Variants in LRBA observed in about 807,000 individuals in gnomAD.
The protein encoded by LRBA is LPS responsive beige-like anchor protein.
In LRBA, 176 loss-of-function variants were observed where a neutral mutation model predicts 330.0. The observed-to-expected ratio is 0.53, with a 90% CI of 0.47 to 0.60. LRBA has a LOEUF of 0.60. Ranked by LOEUF, LRBA falls within the 20% of genes least tolerant of loss-of-function variation. LRBA has a pLI of 0.00. For synonymous variants in LRBA, 1,230 were observed against 1,193.0 expected (o/e 1.03, Z -0.64); for missense variants, 3,259 against 3,444.8 (o/e 0.95, Z 1.35).
chr4:150,301,933 TTTAA>T (rs1193399483), intron 53 of LRBA, among the ~76,000 whole-genome samples: 1 of 152,228 alleles, frequency 6.6e-6, no homozygotes, highest in Non-Finnish European at 1.5e-5. Context: ...AGGTGGTCCC[TTTAA>T]TTGTTTTTTC....
At chr4:150,944,131 A>C (rs868330666) in intron 2 of LRBA, among the ~76,000 whole-genome samples, 1 of 152,218 alleles carries the variant, frequency 6.6e-6, no homozygotes, top group Non-Finnish European at 1.5e-5. Flanking sequence ...AGTCAAAACT[A>C]TCTAGCCAAC....
intron 40 of LRBA, among the ~76,000 whole-genome samples, chr4:150,574,742 A>C (rs890878394): frequency 6.6e-6 from 1 of 152,068 alleles, no homozygotes; most frequent in Non-Finnish European, 1.5e-5. Context: ...TTATTCGTAG[A>C]GCATTTAACC....
intron 34 of LRBA, among the ~76,000 whole-genome samples, chr4:150,785,248 C>T (rs1446936341): frequency 6.6e-6 from 1 of 152,032 alleles, no homozygotes; most frequent in Non-Finnish European, 1.5e-5. Context: ...AACTGGTTGG[C>T]AAGTTCAGGT....
chr4:150,694,158 T>C (rs566057544), intron 36 of LRBA, among the ~76,000 whole-genome samples: 1 of 152,280 alleles, frequency 6.6e-6, no homozygotes, highest in South Asian at 2.1e-4. Context: ...TAGAGTAAGA[T>C]GTCATTCCTA....
intron 47 of LRBA, among the ~76,000 whole-genome samples, chr4:150,357,664 T>TA (rs1427359734): frequency 0.013 from 1,862 of 148,824 alleles, 36 homozygotes; most frequent in African/African-American, 0.043. Context: ...TTTTTTTTTT[T>TA]TAAAAAAAAC....
At chr4:150,590,614 T>C in intron 39 of LRBA, 99 bp downstream of exon 39, 1 of 998,278 alleles carries the variant, frequency 1.0e-6, no homozygotes, top group Non-Finnish European at 1.5e-6. Flanking sequence ...ATTGTGGGTA[T>C]AAACTTGGTA....
intron 2 of LRBA, among the ~76,000 whole-genome samples, chr4:151,009,937 G>A (rs562932235): frequency 2.0e-4 from 30 of 152,020 alleles, no homozygotes; most frequent in African/African-American, 6.5e-4. Context: ...CCGAGATCGC[G>A]CCACTGCACT....
chr4:150,670,963 T>C (rs966724207), intron 37 of LRBA, among the ~76,000 whole-genome samples: 3 of 151,718 alleles, frequency 2.0e-5, no homozygotes, highest in Admixed American at 1.3e-4. Context: ...TCATTTGTAA[T>C]GCTGTTAGAT....
intron 28 of LRBA, chr4:150,840,852 C>T (rs1326119542): frequency 1.7e-5 from 15 of 904,618 alleles, no homozygotes; most frequent in Non-Finnish European, 2.1e-5. Context: ...TGAGGCATGC[C>T]TGTAAATAGA....
In LRBA at chr4:150,441,117, T is replaced by C. The variant is rs115397487; in HGVS notation, c.6781-4253A>G. ...TTCAGTGCCTGGTACATAATAATAATGATAATAATTATTATTTTTTTCAGG... is the reference window on the plus strand; with the variant it reads ...TTCAGTGCCTGGTACATAATAATAACGATAATAATTATTATTTTTTTCAGG... On this transcript the variant is annotated intron_variant, in intron 44 of 56. Coordinates refer to ENST00000651943, the MANE Select transcript of LRBA (RefSeq NM_001364905.1). Among the ~76,000 whole-genome samples the C allele has an allele frequency of 8.7e-3, 1,328 of 152,080 alleles. 18 individuals carry two copies. Among genetic ancestry groups the C allele is most frequent in the African/African-American group, 0.03 (1,264 of 41,532 alleles).
chr4:150,466,629 A>C (rs1464924832), intron 44 of LRBA, among the ~76,000 whole-genome samples: 1 of 152,124 alleles, frequency 6.6e-6, no homozygotes, highest in Non-Finnish European at 1.5e-5. Context: ...ACAGGGAAGA[A>C]GCAACAAAAA....
intron 37 of LRBA, among the ~76,000 whole-genome samples, chr4:150,648,138 AGAG>A: frequency 6.9e-6 from 1 of 144,628 alleles, no homozygotes; most frequent in African/African-American, 2.5e-5. Context: ...GGACATCAGA[AGAG>A]AAAGGAACAC....
chr4:150,833,288 C>T (rs193070042), intron 28 of LRBA, among the ~76,000 whole-genome samples: 1 of 151,790 alleles, frequency 6.6e-6, no homozygotes. Context: ...CACTATTCTA[C>T]TAACTTTCCC....
intron 13 of LRBA, among the ~76,000 whole-genome samples, chr4:150,902,727 C>T (rs1730880317): frequency 6.6e-6 from 1 of 152,170 alleles, no homozygotes; most frequent in African/African-American, 2.4e-5. Context: ...TCATTCTTCC[C>T]TTGCTTTGTG....
intron 40 of LRBA, among the ~76,000 whole-genome samples, chr4:150,526,061 T>C (rs1763440682): frequency 6.6e-6 from 1 of 152,128 alleles, no homozygotes. Flanking sequence ...GGAAGATTCA[T>C]TTGTGAGGAA....
At chr4:150,424,934 T>C (rs1391037890) in intron 46 of LRBA, among the ~76,000 whole-genome samples, 3 of 152,220 alleles carry the variant, frequency 2.0e-5, no homozygotes, top group African/African-American at 7.2e-5. Flanking sequence ...GAGAGTGCAA[T>C]ACTCTCTTAA....
At chr4:150,344,339 TTTTC>T (rs371839325) in intron 48 of LRBA, among the ~76,000 whole-genome samples, 41 of 152,284 alleles carry the variant, frequency 2.7e-4, no homozygotes, top group Admixed American at 1.2e-3. Context: ...GCTTAAATTA[TTTTC>T]TTTATTTACT....
At chr4:150,380,100 A>G (rs1261448044) in intron 47 of LRBA, among the ~76,000 whole-genome samples, 3 of 151,122 alleles carry the variant, frequency 2.0e-5, no homozygotes, top group African/African-American at 7.3e-5. Flanking sequence ...AATCACTTGA[A>G]CCCAGGAGGC....
chr4:150,312,710 T>A (rs1190983766), intron 51 of LRBA, among the ~76,000 whole-genome samples: 1 of 152,156 alleles, frequency 6.6e-6, no homozygotes, highest in Admixed American at 6.5e-5. Context: ...TAAGTTTTAA[T>A]GATAGACTGT....
Sources: gnomAD v4.1 joint callset for allele counts (sites outside exome capture counted in the v4.1 genomes callset) on GRCh38, gnomAD v4.1.1 for gene constraint, MANE v1.5 for transcripts, NCBI Gene and HGNC (gene_info 2026-07-23, HGNC 2026-07-21) for gene names.